Variants in DOCK3 observed in about 807,000 individuals in gnomAD.
The protein encoded by DOCK3 is dedicator of cytokinesis 3.
A neutral mutation model predicts 265.6 loss-of-function variants in DOCK3; 60 were observed. The observed-to-expected ratio is 0.23, with a 90% confidence interval of 0.18 to 0.28. The LOEUF (loss-of-function observed/expected upper bound fraction) is 0.28, where lower values mean the gene tolerates loss of function less well. Ranked by LOEUF, DOCK3 falls within the 10% of genes least tolerant of loss-of-function variation. The probability of loss-of-function intolerance (pLI) is 1.00; values close to 1 mark genes in which losing one functional copy is unlikely to be tolerated. For missense variants in DOCK3, 1,981 were observed against 2,594.3 expected, an observed-to-expected ratio of 0.76 and a Z score of 5.14; for synonymous variants, 881 against 938.0, an observed-to-expected ratio of 0.94 and a Z score of 1.11.
At chr3:51,175,536 C>G (rs2086894867) in intron 12 of DOCK3, among the ~76,000 whole-genome samples, 1 of 151,666 alleles carries the variant, frequency 6.6e-6, no homozygotes, top group Admixed American at 6.6e-5. Context: ...TTACAAGGCC[C>G]CTTTAAAATC....
At chr3:50,798,175 A>T (rs926826327) in intron 2 of DOCK3, among the ~76,000 whole-genome samples, 4 of 152,232 alleles carry the variant, frequency 2.6e-5, no homozygotes, top group African/African-American at 9.6e-5. Flanking sequence ...TTTAGTTAAC[A>T]ATGCTGGAAA....
intron 12 of DOCK3, among the ~76,000 whole-genome samples, chr3:51,167,027 T>C (rs2086439060): frequency 1.3e-5 from 2 of 152,210 alleles, no homozygotes; most frequent in African/African-American, 4.8e-5. Context: ...TCTCAAAAAA[T>C]CACTGCTAAG....
chr3:50,682,781 A>G (rs185402051), intron 1 of DOCK3, among the ~76,000 whole-genome samples: 1 of 152,344 alleles, frequency 6.6e-6, no homozygotes, highest in African/African-American at 2.4e-5. Context: ...TCTACTAAAA[A>G]TATAAAAATT....
intron 1 of DOCK3, among the ~76,000 whole-genome samples, chr3:50,726,434 A>C (rs184514601): frequency 6.6e-6 from 1 of 152,304 alleles, no homozygotes; most frequent in East Asian, 1.9e-4. Context: ...TACCAGGGCT[A>C]GACCTATACT....
chr3:50,954,396 A>G (rs1407923449), intron 5 of DOCK3, among the ~76,000 whole-genome samples: 4 of 152,190 alleles, frequency 2.6e-5, no homozygotes, highest in African/African-American at 4.8e-5. Context: ...TTAAATATGT[A>G]TGCTTGGGTT....
intron 10 of DOCK3, among the ~76,000 whole-genome samples, chr3:51,152,913 G>A (rs1052384880): frequency 2.6e-5 from 4 of 151,778 alleles, no homozygotes; most frequent in African/African-American, 9.7e-5. Flanking sequence ...GTGGTAGTCA[G>A]CCCCTACTGG....
intron 5 of DOCK3, among the ~76,000 whole-genome samples, chr3:50,980,425 T>G (rs1392521470): frequency 6.6e-6 from 1 of 152,226 alleles, no homozygotes; most frequent in Non-Finnish European, 1.5e-5. Context: ...TTTCTCTTTT[T>G]TGTGTGTGTT....
At chr3:51,129,361 A>G (rs188518587) in intron 9 of DOCK3, among the ~76,000 whole-genome samples, 8 of 152,278 alleles carry the variant, frequency 5.3e-5, no homozygotes, top group Non-Finnish European at 1.2e-4. Context: ...TCCTCTGTCA[A>G]CTGATCCTGG....
At chr3:51,050,340 T>C (rs572985977) in intron 5 of DOCK3, among the ~76,000 whole-genome samples, 67 of 152,274 alleles carry the variant, frequency 4.4e-4, no homozygotes, top group African/African-American at 1.5e-3. Context: ...TGTGCTGTGA[T>C]TGCACCACTA....
chr3:51,053,426 ATT>A (rs563130234), intron 5 of DOCK3, among the ~76,000 whole-genome samples: 60 of 132,296 alleles, frequency 4.5e-4, no homozygotes, highest in Admixed American at 5.3e-4. Flanking sequence ...TTGTATCACT[ATT>A]TTTTTTTTTT....
At chr3:50,963,694 T>G (rs1301697734) in intron 5 of DOCK3, among the ~76,000 whole-genome samples, 1 of 152,172 alleles carries the variant, frequency 6.6e-6, no homozygotes, top group Non-Finnish European at 1.5e-5. Context: ...ATAGTGATCC[T>G]TTAGACACAG....
At chr3:50,831,209 A>T (rs1214266704) in intron 2 of DOCK3, among the ~76,000 whole-genome samples, 5 of 148,828 alleles carry the variant, frequency 3.4e-5, no homozygotes, top group East Asian at 2.0e-4. Context: ...TTATTTATTT[A>T]TTTATTTATT....
chr3:50,954,948 C>T (rs1334418706), intron 5 of DOCK3, among the ~76,000 whole-genome samples: 1 of 151,974 alleles, frequency 6.6e-6, no homozygotes, highest in Non-Finnish European at 1.5e-5. Flanking sequence ...AGGGTTTTTG[C>T]AGTTTTGGTT....
Position 51,044,316 on chromosome 3 carries a change from C to G in DOCK3, c.316-20132C>G, listed in dbSNP as rs548834757. On this transcript the variant is annotated intron_variant, in intron 5 of 52. Transcript: ENST00000266037. ...GCTGGAGGCCATTATCCTTAACAAA[C>G]TAACACAAAAAAACAGAAAACCAAA... 5.9e-5 allele frequency among the ~76,000 whole-genome samples: 9 copies of G among 152,096 alleles called. No individual in the cohort carries two copies. In the East Asian group the frequency reaches 1.5e-3, roughly 26 times the overall value.
intron 5 of DOCK3, among the ~76,000 whole-genome samples, chr3:51,059,333 G>T (rs1006430832): frequency 1.3e-5 from 2 of 152,000 alleles, no homozygotes; most frequent in African/African-American, 4.8e-5. Flanking sequence ...TGAGGGTTAG[G>T]ATTTCAATGT....
intron 1 of DOCK3, among the ~76,000 whole-genome samples, chr3:50,698,517 G>GTTTTTTTTTTTTTTTGTTTTT (rs2035798199): frequency 5.1e-5 from 1 of 19,506 alleles, no homozygotes; most frequent in Non-Finnish European, 1.2e-4. Flanking sequence ...TATGTTTTTG[G>GTTTTTTTTTTTTTTTGTTTTT]TTTTTTTTTT....
chr3:51,119,572 T>C (rs926587460), intron 9 of DOCK3, among the ~76,000 whole-genome samples: 2 of 152,186 alleles, frequency 1.3e-5, no homozygotes, highest in African/African-American at 2.4e-5. Context: ...TCCAACATGG[T>C]TCCATTCTCC....
intron 3 of DOCK3, among the ~76,000 whole-genome samples, chr3:50,883,926 C>A (rs1240785065): frequency 6.6e-6 from 1 of 152,126 alleles, no homozygotes; most frequent in Non-Finnish European, 1.5e-5. Context: ...TGACTTCTTT[C>A]TGTCTCTGTG....
intron 5 of DOCK3, among the ~76,000 whole-genome samples, chr3:51,062,371 C>T (rs1657394702): frequency 6.6e-6 from 1 of 152,200 alleles, no homozygotes; most frequent in South Asian, 2.1e-4. Flanking sequence ...ATGTTTACTT[C>T]CACCTCAAGG....
Sources: gnomAD v4.1 joint callset for allele counts (sites outside exome capture counted in the v4.1 genomes callset) on GRCh38, gnomAD v4.1.1 for gene constraint, MANE v1.5 for transcripts, NCBI Gene and HGNC (gene_info 2026-07-23, HGNC 2026-07-21) for gene names.